Variants in MTMR8 observed in about 807,000 individuals in gnomAD.
MTMR8 encodes the protein myotubularin related protein 8, also known as phosphatidylinositol-3,5-bisphosphate 3-phosphatase MTMR8.
A neutral mutation model predicts 39.3 loss-of-function variants in MTMR8; 65 were observed. The ratio of observed to expected loss-of-function variants is 1.65; its 90% CI spans 1.35 to 2.03. The LOEUF (loss-of-function observed/expected upper bound fraction) is 2.03. Ranked by LOEUF, MTMR8 falls within the 30% of genes most tolerant of loss-of-function variation. MTMR8 has a pLI of 0.00. For missense variants in MTMR8, 777 were observed against 538.9 expected (o/e 1.44, Z -4.37); for synonymous variants, 245 against 185.2 (o/e 1.32, Z -2.62).
At position 64,328,757 on chromosome X, in the gene MTMR8, A is replaced by T. The variant is rs1411115745; in HGVS notation, c.1481+15T>A. 2 of 1,142,724 alleles carry T rather than the reference A, an allele frequency of 1.8e-6. No individual in the cohort carries two copies. The highest frequency in any genetic ancestry group is 2.3e-6 in the Non-Finnish European group (2 of 865,206). 94.2% of individuals were successfully genotyped at this position (1,142,724 alleles called of 1,213,427 possible). ...GACCTGCTATAAGAAAGGAGGGAAA[A>T]ACTTAAGAACTTACTGAATGTTGTA... On this transcript the variant is annotated intron_variant, in intron 12 of 13. Coordinates refer to ENST00000374852, the MANE Select transcript of MTMR8 (RefSeq NM_017677.4).
chrX:64,352,431 A>G (rs1923509588), intron 4 of MTMR8, among the ~76,000 whole-genome samples: 1 of 111,736 alleles, frequency 8.9e-6, no homozygotes, highest in African/African-American at 3.3e-5. Context: ...GTAAATCACA[A>G]AACCTGAGGA....
intron 12 of MTMR8, among the ~76,000 whole-genome samples, chrX:64,280,269 C>A (rs1050800915): frequency 1.6e-4 from 18 of 111,952 alleles, no homozygotes; most frequent in African/African-American, 5.8e-4. Flanking sequence ...AGGCCAATAT[C>A]CCTGATGAAC....
intron 11 of MTMR8, 151 bp from the exon 12 acceptor site, chrX:64,329,051 A>G: frequency 4.5e-6 from 2 of 448,440 alleles, no homozygotes; most frequent in Non-Finnish European, 7.0e-6. Context: ...ATAAGTGGAT[A>G]AAAAGTGTTG....
chrX:64,301,365 G>A (rs1291370835), intron 12 of MTMR8, among the ~76,000 whole-genome samples: 18 of 105,177 alleles, frequency 1.7e-4, no homozygotes, highest in South Asian at 4.5e-4. Flanking sequence ...CCAGTTGATC[G>A]CATCGGCTCC....
intron 12 of MTMR8, among the ~76,000 whole-genome samples, chrX:64,319,466 G>A (rs1922567437): frequency 8.9e-6 from 1 of 112,202 alleles, no homozygotes; most frequent in South Asian, 3.7e-4. Context: ...TTTTAGATAT[G>A]AAGTCCTTGC....
At chrX:64,272,195 C>G (rs1478850622) in intron 12 of MTMR8, among the ~76,000 whole-genome samples, 1 of 111,487 alleles carries the variant, frequency 9.0e-6, no homozygotes, top group African/African-American at 3.3e-5. Flanking sequence ...AACAAAGAAA[C>G]AAGCTAAAAC....
intron 1 of MTMR8, among the ~76,000 whole-genome samples, chrX:64,381,863 T>C (rs9779820): frequency 0.16 from 17,498 of 111,346 alleles, 3,155 homozygotes; most frequent in African/African-American, 0.53. Flanking sequence ...AATAGGGAAT[T>C]GTTTCCCCAT....
intron 1 of MTMR8, among the ~76,000 whole-genome samples, chrX:64,390,216 T>A (rs1924659494): frequency 8.9e-6 from 1 of 112,198 alleles, no homozygotes; most frequent in Non-Finnish European, 1.9e-5. Flanking sequence ...GACTGAACAT[T>A]TGGCCTTAGT....
intron 1 of MTMR8, among the ~76,000 whole-genome samples, chrX:64,364,345 T>C (rs1004521789): frequency 8.9e-6 from 1 of 111,981 alleles, no homozygotes; most frequent in African/African-American, 3.2e-5. Flanking sequence ...AGGGGCCGAA[T>C]GATACCTCAT....
At chrX:64,274,275 A>G (rs1931825730) in intron 12 of MTMR8, among the ~76,000 whole-genome samples, 1 of 112,465 alleles carries the variant, frequency 8.9e-6, no homozygotes, top group Non-Finnish European at 1.9e-5. Flanking sequence ...TCACAATGGA[A>G]TGAAACTAGA....
intron 12 of MTMR8, among the ~76,000 whole-genome samples, chrX:64,301,906 G>C (rs1211056599): frequency 8.9e-6 from 1 of 112,082 alleles, no homozygotes; most frequent in Non-Finnish European, 1.9e-5. Flanking sequence ...ACCCACTTGA[G>C]GAGGTAGTCT....
chrX:64,276,644 ACT>A (rs922918714), intron 12 of MTMR8, among the ~76,000 whole-genome samples: 15 of 111,723 alleles, frequency 1.3e-4, no homozygotes, highest in African/African-American at 4.9e-4. Context: ...GGTCTGAGAC[ACT>A]GTTTGTTATG....
intron 12 of MTMR8, among the ~76,000 whole-genome samples, chrX:64,280,819 C>G (rs1931991828): frequency 9.0e-6 from 1 of 111,551 alleles, no homozygotes; most frequent in Non-Finnish European, 1.9e-5. Context: ...AGTTCAAAAG[C>G]TCCTTAAGCT....
At chrX:64,304,428 T>C (rs1410067923) in intron 12 of MTMR8, among the ~76,000 whole-genome samples, 1 of 111,693 alleles carries the variant, frequency 9.0e-6, no homozygotes, top group Non-Finnish European at 1.9e-5. Flanking sequence ...ATGAGAGCCC[T>C]AGATTTTAAA....
At chrX:64,365,581 G>C (rs756768697) in intron 1 of MTMR8, among the ~76,000 whole-genome samples, 2 of 111,694 alleles carry the variant, frequency 1.8e-5, no homozygotes, top group East Asian at 5.6e-4. Context: ...GTCACCACCA[G>C]GCTTGCCTTA....
chrX:64,370,961 T>C (rs1422116648), intron 1 of MTMR8, among the ~76,000 whole-genome samples: 1 of 111,487 alleles, frequency 9.0e-6, no homozygotes, highest in Non-Finnish European at 1.9e-5. Context: ...AACACTATCC[T>C]GGGCAACATA....
chrX:64,356,124 C>A (rs1260703173), intron 3 of MTMR8, 52 bp downstream of exon 3: 1 of 1,135,877 alleles, frequency 8.8e-7, no homozygotes, highest in Non-Finnish European at 1.2e-6. Context: ...TCCATTATGC[C>A]ATTTTGGAAA....
rs1189352629 is a variant in MTMR8, at chrX:64,370,217, C to A, written c.25-10690G>T. Reference sequence around the variant, plus strand: ...AAACTAAAAAGCCATCTTTCCTTTTCAGAAACATGAGAAATAATCTTAGAT... The same window carrying A: ...AAACTAAAAAGCCATCTTTCCTTTTAAGAAACATGAGAAATAATCTTAGAT... On this transcript the variant is annotated intron_variant, in intron 1 of 13. Transcript: ENST00000374852. 2.7e-5 allele frequency among the ~76,000 whole-genome samples: 3 copies of A among 111,144 alleles called. 1 individual carries two copies. Among genetic ancestry groups the A allele is most frequent in the Non-Finnish European group, 5.7e-5 (3 of 52,954 alleles).
chrX:64,291,628 G>C (rs1479551099), intron 12 of MTMR8, among the ~76,000 whole-genome samples: 1 of 111,318 alleles, frequency 9.0e-6, no homozygotes, highest in Middle Eastern at 4.2e-3. Flanking sequence ...TGGCAACAAG[G>C]ATGGAATTTT....
Sources: gnomAD v4.1 joint callset for allele counts (sites outside exome capture counted in the v4.1 genomes callset) on GRCh38, gnomAD v4.1.1 for gene constraint, MANE v1.5 for transcripts, NCBI Gene and HGNC (gene_info 2026-07-23, HGNC 2026-07-21) for gene names.